The following EDNRB variants were observed in gnomAD, a reference collection of about 807,000 sequenced individuals.
EDNRB encodes the protein Hirschsprung disease 2.
Under a neutral mutation model 46.4 loss-of-function variants are expected in EDNRB, and 18 were observed. The observed-to-expected ratio is 0.39, with a 90% confidence interval of 0.27 to 0.57. The LOEUF is 0.57. Ranked by LOEUF, EDNRB falls within the 20% of genes least tolerant of loss-of-function variation. The pLI, the probability that EDNRB is intolerant of heterozygous loss-of-function variation, is 0.61. For missense variants in EDNRB, 434 were observed against 537.5 expected (o/e 0.81, Z 1.90); for synonymous variants, 213 against 204.9 (o/e 1.04, Z -0.34).
chr13:77,925,357 C>A (rs1422675581), intron 1 of EDNRB, among the ~76,000 whole-genome samples: 1 of 152,174 alleles, frequency 6.6e-6, no homozygotes, highest in Admixed American at 6.5e-5. Flanking sequence ...AATCATATGG[C>A]AGTTCTATTT....
At position 77,903,094 on chromosome 13, in the gene EDNRB, G is replaced by T. The variant is rs530578139; in HGVS notation, c.801+62C>A. On this transcript the variant is annotated intron_variant, in intron 3 of 6. Transcript: ENST00000646607. ...GTTTCCCAAGGAGTGGGGAACAGGG[G>T]AAAAATAGCTAAATATTTATAAGGC... The T allele has an allele frequency of 3.2e-6, 5 of 1,574,882 alleles. No individual in the cohort carries two copies. In the East Asian group the frequency reaches 1.1e-4, roughly 35 times the overall value.
intron 1 of EDNRB, among the ~76,000 whole-genome samples, chr13:77,970,068 A>G: frequency 6.6e-6 from 1 of 152,282 alleles, no homozygotes; most frequent in Admixed American, 6.5e-5. Context: ...TTTTTTAGGA[A>G]CCAGTGTCTG....
upstream of EDNRB, among the ~76,000 whole-genome samples, chr13:77,924,076 A>T (rs1222650101): frequency 2.6e-5 from 4 of 152,322 alleles, no homozygotes; most frequent in South Asian, 2.1e-4. Flanking sequence ...GGAAACAATG[A>T]TTTTACTGAG....
intron 1 of EDNRB, among the ~76,000 whole-genome samples, chr13:77,965,271 G>T (rs1038390866): frequency 6.6e-6 from 1 of 152,136 alleles, no homozygotes; most frequent in East Asian, 1.9e-4. Flanking sequence ...CAAGAGTCAA[G>T]AAAATTTTGA....
intron 1 of EDNRB, among the ~76,000 whole-genome samples, chr13:77,961,553 G>A (rs1407618424): frequency 2.6e-5 from 4 of 152,130 alleles, no homozygotes; most frequent in Non-Finnish European, 5.9e-5. Context: ...CGAAATGAAG[G>A]CAGAAATAAA....
chr13:77,971,913 C>T (rs1373554361), intron 1 of EDNRB, among the ~76,000 whole-genome samples: 2 of 152,112 alleles, frequency 1.3e-5, no homozygotes, highest in South Asian at 2.1e-4. Flanking sequence ...CGGCAGAGTG[C>T]CCAGTAAAGA....
chr13:77,932,175 A>G (rs1219628997), intron 1 of EDNRB, among the ~76,000 whole-genome samples: 12 of 152,174 alleles, frequency 7.9e-5, no homozygotes, highest in Admixed American at 7.2e-4. Context: ...GAAAGAGGGC[A>G]CACATATGAG....
chr13:77,899,938 A>T lies in EDNRB; in HGVS notation c.1115T>A (p.Ile372Asn). The change falls in exon 6 of 7, where the codon ATC becomes AAC. Residue 372 changes from isoleucine to asparagine, a missense_variant. Transcript: ENST00000646607. ...GCAGGAATTCAGTGAAGCCATGTTG[A>T]TACCAATATAGTCCAATACCAACAG... ...SFLLVLDYIG[I>N]NMASLNSCIN... The T allele has an allele frequency of 6.2e-7, 1 of 1,611,984 alleles. No homozygotes were observed. The highest frequency in any genetic ancestry group is 8.5e-7 in the Non-Finnish European group (1 of 1,178,740).
Position 77,897,643 on chromosome 13 carries a change from T to A in EDNRB, c.*557A>T. 1 of 986,944 alleles carries A rather than the reference T, an allele frequency of 1.0e-6. No homozygotes were observed. Among genetic ancestry groups the A allele is most frequent in the Non-Finnish European group, 1.2e-6 (1 of 831,110 alleles). 61.1% of individuals were successfully genotyped at this position (986,944 alleles called of 1,614,324 possible). On this transcript the variant is annotated 3_prime_UTR_variant, in exon 7 of 7. Transcript: ENST00000646607. Reference sequence around the variant, plus strand: ...TTTCTGTTACTCCCTCCTGATCATTTAAATGTTTCCAGTGTCCGAAAAATG... The same window carrying A: ...TTTCTGTTACTCCCTCCTGATCATTAAAATGTTTCCAGTGTCCGAAAAATG...
At chr13:77,926,497 A>G (rs1157390845) in intron 1 of EDNRB, among the ~76,000 whole-genome samples, 1 of 152,206 alleles carries the variant, frequency 6.6e-6, no homozygotes, top group Non-Finnish European at 1.5e-5. Context: ...AAATATAATG[A>G]GAGTCACCTT....
chr13:77,959,814 T>G (rs1222971373), intron 1 of EDNRB, among the ~76,000 whole-genome samples: 1 of 152,122 alleles, frequency 6.6e-6, no homozygotes, highest in Non-Finnish European at 1.5e-5. Flanking sequence ...AATGGCTAAC[T>G]AGAATAACCA....
At chr13:77,919,880 T>C (rs530416688), upstream of EDNRB, 44 of 330,632 alleles carry the variant, frequency 1.3e-4, 1 homozygote, top group East Asian at 2.1e-3. Context: ...CTGAACGTGA[T>C]AATTGAACTT....
intron 1 of EDNRB, among the ~76,000 whole-genome samples, chr13:77,941,484 A>G (rs1880742711): frequency 6.6e-6 from 1 of 152,222 alleles, no homozygotes; most frequent in South Asian, 2.1e-4. Flanking sequence ...CATAATGACC[A>G]GATTCTTCTA....
chr13:77,917,957 T>C lies in EDNRB; in HGVS notation c.483+134A>G, dbSNP rs1267376726. On this transcript the variant is annotated intron_variant, in intron 1 of 6. Coordinates refer to ENST00000646607, the MANE Select transcript of EDNRB (RefSeq NM_001122659.3). ...ACCAAATGGAATTTGGTTCCAAAGATTACTGACTTTTAGGAGGGGCAGAAC... is the reference window on the plus strand; with the variant it reads ...ACCAAATGGAATTTGGTTCCAAAGACTACTGACTTTTAGGAGGGGCAGAAC... 6 of 1,370,838 alleles carry C rather than the reference T, an allele frequency of 4.4e-6. No homozygotes were observed. In the South Asian group the frequency reaches 5.0e-5, roughly 11 times the overall value. The allele number at this position is 1,370,838 out of a possible 1,614,324, so 84.9% of individuals were successfully genotyped here.
chr13:77,900,349 A>T (rs1171627479), intron 5 of EDNRB, among the ~76,000 whole-genome samples, 172 bp downstream of exon 5: 1 of 151,374 alleles, frequency 6.6e-6, no homozygotes, highest in Non-Finnish European at 1.5e-5. Context: ...TGTTCTTCAT[A>T]CCCCCCCTTC....
chr13:77,948,251 A>G lies in EDNRB; in HGVS notation c.-52+27096T>C, dbSNP rs562494551. Among the ~76,000 whole-genome samples, 29 of 152,206 alleles carry G rather than the reference A, an allele frequency of 1.9e-4. 1 individual carries two copies. The South Asian group carries it at 5.8e-3, about 30-fold the overall frequency. On this transcript the variant is annotated intron_variant, in intron 1 of 7. Transcript: ENST00000646948. ...GATCAAATAGGAATTTTTTTTTCAA[A>G]GAGGAATTTTAAAGCTAGAGTTAAT...
intron 1 of EDNRB, among the ~76,000 whole-genome samples, chr13:77,961,011 G>A (rs1199579961): frequency 6.6e-6 from 1 of 152,106 alleles, no homozygotes; most frequent in Non-Finnish European, 1.5e-5. Context: ...AAATATATAT[G>A]CACCCAGTAC....
chr13:77,970,149 T>C (rs759730873), intron 1 of EDNRB, among the ~76,000 whole-genome samples: 1 of 152,202 alleles, frequency 6.6e-6, no homozygotes, highest in Non-Finnish European at 1.5e-5. Flanking sequence ...AAATCAATAC[T>C]GAACAAAATT....
intron 1 of EDNRB, among the ~76,000 whole-genome samples, chr13:77,941,792 T>G (rs974149961): frequency 2.2e-4 from 33 of 152,340 alleles, no homozygotes; most frequent in African/African-American, 7.9e-4. Context: ...CAACATTTGT[T>G]GAACTAATGC....
Sources: gnomAD v4.1 joint callset for allele counts (sites outside exome capture counted in the v4.1 genomes callset) on GRCh38, gnomAD v4.1.1 for gene constraint, MANE v1.5 for transcripts, NCBI Gene and HGNC (gene_info 2026-07-23, HGNC 2026-07-21) for gene names.